Variants in PNLDC1 observed in about 807,000 individuals in gnomAD.
PNLDC1 encodes PARN like ribonuclease domain containing exonuclease 1.
Under a neutral mutation model 82.0 loss-of-function variants are expected in PNLDC1, and 70 were observed. The ratio of observed to expected loss-of-function variants is 0.85; its 90% confidence interval spans 0.70 to 1.04. The LOEUF is 1.04. Among genes scored for constraint, PNLDC1 ranks in the 50% least tolerant of loss-of-function variants. The pLI is 0.00. For synonymous variants in PNLDC1, 280 were observed against 249.3 expected (o/e 1.12, Z -1.16); for missense variants, 631 against 661.1 (o/e 0.95, Z 0.50).
intron 4 of PNLDC1, 98 bp downstream of exon 4, chr6:159,803,408 C>T: frequency 9.3e-7 from 1 of 1,074,158 alleles, no homozygotes; most frequent in South Asian, 1.3e-5. Flanking sequence ...TCACTTTTGC[C>T]CTGGATCTTC....
rs767842736 is a variant in PNLDC1, at chr6:159,813,633, G to A, written c.972G>A (p.Ser324=). The A allele has an allele frequency of 3.8e-5, 62 of 1,613,648 alleles. No individual in the cohort carries two copies. Among genetic ancestry groups the A allele is most frequent in the East Asian group, 3.3e-4 (15 of 44,868 alleles). ...ATTTCCCGAGGGTGTCGAATCTTTC[G>A]GAAGTCTATGAAGTCCTGAACAGGT... ...EMNFPRVSNL[S]EVYEVLNSDL... is the part of the protein sequence containing the mutation. The change falls in exon 12 of 19, where the codon TCG becomes TCA. Residue 324 remains serine (S), a synonymous_variant. Transcript: ENST00000392167.
intron 3 of PNLDC1, among the ~76,000 whole-genome samples, chr6:159,802,983 T>C (rs1781318198): frequency 6.6e-6 from 1 of 152,084 alleles, no homozygotes; most frequent in Non-Finnish European, 1.5e-5. Context: ...TGGTTTTTGG[T>C]ATTTTCTGTG....
chr6:159,812,466 G>A (rs1332178011), intron 11 of PNLDC1, among the ~76,000 whole-genome samples: 2 of 152,152 alleles, frequency 1.3e-5, no homozygotes, highest in Admixed American at 6.5e-5. Context: ...TGGGGGGGAG[G>A]GGGTTCCCTC....
At position 159,801,099 on chromosome 6, in the gene PNLDC1, CTGTT is replaced by C. The variant is rs1781235754; in HGVS notation, c.135-9_135-6del. 7.4e-6 allele frequency: 12 copies of C among 1,613,960 alleles called. No individual in the cohort carries two copies. Among genetic ancestry groups the C allele is most frequent in the Non-Finnish European group, 1.0e-5 (12 of 1,179,826 alleles). On this transcript the variant is annotated splice_polypyrimidine_tract_variant and intron_variant, in intron 2 of 18. Coordinates refer to ENST00000392167, the MANE Select transcript of PNLDC1 (RefSeq NM_001271862.2). ...TGTCATTGCTCGTGGAATGAGATGC[CTGTT>C]TGTTCACAGTCTTTTTGATTTGCCA...
chr6:159,810,302 GA>G (rs1168729671), intron 10 of PNLDC1, among the ~76,000 whole-genome samples: 3 of 152,160 alleles, frequency 2.0e-5, no homozygotes, highest in African/African-American at 2.4e-5. Context: ...TGTCAAGGGG[GA>G]AAAAATTTAA....
In PNLDC1 at chr6:159,819,264, A is replaced by G. The variant is rs760762532; in HGVS notation, c.1444A>G (p.Ile482Val). 1 of 1,613,806 alleles carries G rather than the reference A, an allele frequency of 6.2e-7. No individual in the cohort carries two copies. Among genetic ancestry groups the G allele is most frequent in the East Asian group, 2.2e-5 (1 of 44,858 alleles). Residue 482 changes from isoleucine (I) to valine (V), a missense_variant, in exon 18 of 19, where the codon ATC becomes GTC. Ile to Val is a conservative substitution (Grantham distance 29, BLOSUM62 3). Coordinates refer to ENST00000392167, the MANE Select transcript of PNLDC1 (RefSeq NM_001271862.2). This position sits in a 1 kb window ranked among gnomAD's most constrained non-coding sequence, Gnocchi z 4.6. ...AACTTGTTTTGGCAGTGCGCGGAACATCCTGAAGGAGTACCGGGACCACCC... is the reference window on the plus strand; with the variant it reads ...AACTTGTTTTGGCAGTGCGCGGAACGTCCTGAAGGAGTACCGGGACCACCC... ...LTNKFKDARN[I>V]LKEYRDHPTL...
chr6:159,818,655 G>A lies in PNLDC1; in HGVS notation c.1257+1G>A, dbSNP rs771497671. ...CATCCGAGCGGGGGTCCCAAAGATC[G>A]TGAGTAGATCTCATTTGGCCCCCTC... On this transcript the variant is annotated splice_donor_variant, in intron 16 of 18. Coordinates refer to ENST00000392167, the MANE Select transcript of PNLDC1 (RefSeq NM_001271862.2). LOFTEE classifies it high-confidence loss of function. 21 of 1,612,250 alleles carry A rather than the reference G, an allele frequency of 1.3e-5. No homozygotes were observed. In the Admixed American group the frequency reaches 1.3e-4, roughly 10 times the overall value.
rs1197927839 is a variant in PNLDC1 at position 159,820,576 on chromosome 6, G to GA, written c.*59_*60insA. ...CCCCATGCTCTCTGGGAGGTGTGCT[G>GA]GGTGTGTTCGTGTAAATCAGATTCT... On this transcript the variant is annotated 3_prime_UTR_variant, in exon 19 of 19. Coordinates refer to ENST00000392167, the MANE Select transcript of PNLDC1 (RefSeq NM_001271862.2). 1.3e-5 allele frequency: 20 copies of GA among 1,501,798 alleles called. No homozygotes were observed. Among genetic ancestry groups the GA allele is most frequent in the Non-Finnish European group, 1.7e-5 (18 of 1,079,714 alleles). The allele number at this position is 1,501,798 out of a possible 1,614,324, so 93.0% of individuals were successfully genotyped here. A position where few individuals can be genotyped will look rare whatever the true frequency, so the allele number is the denominator to read the frequency against.
intron 12 of PNLDC1, among the ~76,000 whole-genome samples, chr6:159,815,000 C>T (rs1781767073): frequency 6.6e-6 from 1 of 152,158 alleles, no homozygotes; most frequent in East Asian, 1.9e-4. Context: ...GGTCAGGAGG[C>T]TAAGCACGTG....
chr6:159,803,140 A>C (rs1781322928), intron 3 of PNLDC1, 131 bp from the exon 4 acceptor site: 3 of 662,340 alleles, frequency 4.5e-6, no homozygotes, highest in Non-Finnish European at 7.7e-6. Context: ...TTGTCATTAA[A>C]GATGTTATCC....
chr6:159,811,848 T>A, intron 11 of PNLDC1, 62 bp downstream of exon 11: 1 of 1,228,794 alleles, frequency 8.1e-7, no homozygotes, highest in Non-Finnish European at 1.2e-6. Flanking sequence ...CACTTAGCTT[T>A]CTCTTGTGGG....
chr6:159,801,058 T>C, intron 2 of PNLDC1, 55 bp from the exon 3 acceptor site: 2 of 1,584,772 alleles, frequency 1.3e-6, no homozygotes, highest in South Asian at 2.2e-5. Context: ...GCGGAGGCCA[T>C]AGTGCCGGGA....
At chr6:159,816,212 AGGG>A (rs1781823126) in intron 13 of PNLDC1, among the ~76,000 whole-genome samples, 179 bp downstream of exon 13, 1 of 24,934 alleles carries the variant, frequency 4.0e-5, no homozygotes. Context: ...CCCAGGCAGC[AGGG>A]GAGGGGGAGG....
At chr6:159,809,980 A>T in intron 9 of PNLDC1, 46 bp from the exon 10 acceptor site, 1 of 1,495,028 alleles carries the variant, frequency 6.7e-7, no homozygotes, top group Non-Finnish European at 9.3e-7. Flanking sequence ...TAGTGTCTGG[A>T]TTACATTTTT....
In PNLDC1 at chr6:159,809,300, C is replaced by T. The variant is rs915270322; in HGVS notation, c.783+142C>T. ...CATGAATTTTTTCATGTTTTACTTT[C>T]AGATAGGGTCTCACCTGTCACCCAG... On this transcript the variant is annotated intron_variant, in intron 9 of 18. Transcript: ENST00000392167. 1.5e-5 allele frequency: 17 copies of T among 1,119,374 alleles called. No individual in the cohort carries two copies. The African/African-American group carries it at 2.7e-4, about 18-fold the overall frequency. The allele number at this position is 1,119,374 out of a possible 1,614,324, so 69.3% of individuals were successfully genotyped here.
rs780597132 is a variant in PNLDC1, at chr6:159,804,592, A to G, written c.416A>G (p.Lys139Arg). The G allele has an allele frequency of 4.3e-6, 7 of 1,611,214 alleles. No homozygotes were observed. Among genetic ancestry groups the G allele is most frequent in the Non-Finnish European group, 5.9e-6 (7 of 1,177,346 alleles). ...GIPYMNEEQE[K>R]KIRHDILTGN... ...CCATATATGAATGAAGAACAGGAGA[A>G]GAAAATTAGACACGATATCCTGACT... The change falls in exon 6 of 19, where the codon AAG becomes AGG. Residue 139 changes from lysine to arginine, a missense_variant. Physicochemically the swap from Lys to Arg is conservative, Grantham distance 26 (BLOSUM62 2). Transcript: ENST00000392167.
intron 11 of PNLDC1, among the ~76,000 whole-genome samples, chr6:159,813,056 G>GA (rs2115048781): frequency 6.6e-6 from 1 of 152,310 alleles, no homozygotes; most frequent in East Asian, 1.9e-4. Context: ...GAAGAACAGA[G>GA]AAGGGGGCAT....
In PNLDC1 at chr6:159,804,073, C is replaced by T; in HGVS notation, c.357C>T (p.Gly119=). ...GTGTTCAGTTTTTGAATCAGTATGG[C>T]TTCAACTATAACAAGGTATGGCATT... The part of the protein sequence containing the change: ...ASSVQFLNQY[G]FNYNKFLKNG... Residue 119 remains glycine (G), a synonymous_variant, in exon 5 of 19, where the codon GGC becomes GGT. Transcript: ENST00000392167. The T allele has an allele frequency of 6.2e-7, 1 of 1,613,480 alleles. No individual in the cohort carries two copies. The highest frequency in any genetic ancestry group is 8.5e-7 in the Non-Finnish European group (1 of 1,179,870).
At chr6:159,808,872 T>A (rs1383793565) in intron 8 of PNLDC1, 56 bp downstream of exon 8, 13 of 1,597,854 alleles carry the variant, frequency 8.1e-6, no homozygotes, top group Non-Finnish European at 1.1e-5. Flanking sequence ...CTCTCATAAT[T>A]GGCCAAATCT....
Sources: allele counts gnomAD v4.1 joint callset (sites outside exome capture counted in the v4.1 genomes callset), GRCh38; gene constraint gnomAD v4.1.1; non-coding constraint Gnocchi (gnomAD v3.1); transcripts MANE v1.5; gene names NCBI Gene and HGNC (gene_info 2026-07-23, HGNC 2026-07-21).